Variants in POF1B observed in about 807,000 individuals in gnomAD.
POF1B encodes POF1B actin binding protein.
POF1B carries 53 observed loss-of-function variants against 55.3 expected under a neutral mutation model. The ratio of observed to expected loss-of-function variants is 0.96; its 90% CI spans 0.77 to 1.20. The LOEUF (loss-of-function observed/expected upper bound fraction) is 1.20, where lower values mean the gene tolerates loss of function less well. Ranked by LOEUF, POF1B falls within the 50% of genes most tolerant of loss-of-function variation. The pLI, the probability that POF1B is intolerant of heterozygous loss-of-function variation, is 0.00. For synonymous variants in POF1B, 188 were observed against 148.3 expected (o/e 1.27, Z -1.95); for missense variants, 478 against 420.5 (o/e 1.14, Z -1.20).
At chrX:85,344,329 C>T (rs1043080495) in intron 6 of POF1B, among the ~76,000 whole-genome samples, 6 of 111,221 alleles carry the variant, frequency 5.4e-5, no homozygotes, top group African/African-American at 2.0e-4. Context: ...TATCACAATA[C>T]CATATATAGA....
intron 7 of POF1B, among the ~76,000 whole-genome samples, chrX:85,319,872 T>G (rs1471429986): frequency 8.9e-6 from 1 of 111,821 alleles, no homozygotes; most frequent in African/African-American, 3.2e-5. Context: ...ATCAGGATGA[T>G]GCTGGTCTTA....
At chrX:85,378,286 G>A (rs1298828506) in intron 2 of POF1B, among the ~76,000 whole-genome samples, 1 of 111,254 alleles carries the variant, frequency 9.0e-6, no homozygotes, top group African/African-American at 3.3e-5. Flanking sequence ...TGAGATTTTT[G>A]TATCTTAAAA....
At chrX:85,294,579 G>T (rs770182477) in intron 15 of POF1B, among the ~76,000 whole-genome samples, 1 of 112,002 alleles carries the variant, frequency 8.9e-6, no homozygotes, top group Non-Finnish European at 1.9e-5. Context: ...CTTGAATGTG[G>T]TGAATTAACT....
chrX:85,280,908 T>C (rs1931881826), intron 16 of POF1B, among the ~76,000 whole-genome samples: 1 of 111,024 alleles, frequency 9.0e-6, no homozygotes, highest in African/African-American at 3.3e-5. Flanking sequence ...GATAATTCTT[T>C]GTTATGGGAG....
chrX:85,357,195 G>A (rs1277950404), intron 4 of POF1B, among the ~76,000 whole-genome samples: 1 of 110,571 alleles, frequency 9.0e-6, no homozygotes, highest in African/African-American at 3.3e-5. Context: ...ATCCACTTAA[G>A]GAAAAAGATA....
intron 6 of POF1B, 133 bp downstream of exon 6, chrX:85,345,727 A>ACAAGG: frequency 1.8e-6 from 1 of 565,307 alleles, no homozygotes. Flanking sequence ...AAAAATGCTG[A>ACAAGG]CAAGGCACAA....
Position 85,379,358 on chromosome X carries a change from A to G in POF1B, c.97T>C (p.Tyr33His), listed in dbSNP as rs1182352311. 1.7e-6 allele frequency: 2 copies of G among 1,207,597 alleles called. No homozygotes were observed. The highest frequency in any genetic ancestry group is 2.2e-6 in the Non-Finnish European group (2 of 894,680). ...TGCTGGGCTTGGCTTGACTGATGGT[A>G]GCAGTGGTAATGCTGGGGCTGGCAC... ...LQCQPQHYHC[Y>H]HQSSQAQQPP... is the part of the protein sequence containing the mutation. Residue 33 changes from tyrosine (Y) to histidine (H), a missense_variant, in exon 2 of 17, where the codon TAC (tyrosine) becomes CAC (histidine). Physicochemically the swap from Tyr to His is moderately conservative, Grantham distance 83. Transcript: ENST00000262753.
intron 6 of POF1B, among the ~76,000 whole-genome samples, chrX:85,336,503 A>C (rs1195527318): frequency 9.0e-6 from 1 of 110,925 alleles, no homozygotes; most frequent in Non-Finnish European, 1.9e-5. Context: ...ATCCATTTTA[A>C]GTAGGGTGAG....
chrX:85,319,610 G>A (rs781318286), intron 7 of POF1B, among the ~76,000 whole-genome samples: 3 of 111,016 alleles, frequency 2.7e-5, no homozygotes, highest in Non-Finnish European at 3.8e-5. Flanking sequence ...AACCTTTTCC[G>A]TATCTATCGA....
chrX:85,334,827 C>T (rs919067160), intron 6 of POF1B, among the ~76,000 whole-genome samples: 2 of 111,386 alleles, frequency 1.8e-5, no homozygotes, highest in African/African-American at 6.5e-5. Context: ...TTCTTGCTAG[C>T]CTCCACACTT....
intron 5 of POF1B, among the ~76,000 whole-genome samples, chrX:85,350,784 G>T (rs752694083): frequency 1.8e-5 from 2 of 111,294 alleles, no homozygotes; most frequent in South Asian, 3.7e-4. Flanking sequence ...AAACCACAAT[G>T]AGGTACCATC....
At chrX:85,308,746 C>G (rs995915497) in intron 9 of POF1B, among the ~76,000 whole-genome samples, 1 of 111,399 alleles carries the variant, frequency 9.0e-6, no homozygotes, top group Admixed American at 9.5e-5. Context: ...GGCATGATCT[C>G]AGTTCACTGC....
chrX:85,315,371 G>T (rs1035026779), intron 8 of POF1B, among the ~76,000 whole-genome samples: 8 of 110,792 alleles, frequency 7.2e-5, no homozygotes, highest in Non-Finnish European at 1.3e-4. Context: ...AGAATATGTG[G>T]TCAGTGAAAC....
intron 8 of POF1B, 61 bp from the exon 9 acceptor site, chrX:85,314,567 CA>C (rs1932766820): frequency 1.1e-6 from 1 of 871,699 alleles, no homozygotes. Flanking sequence ...ATCAGCAATC[CA>C]CAGACTTTTG....
intron 3 of POF1B, among the ~76,000 whole-genome samples, chrX:85,366,130 A>G (rs921721006): frequency 1.8e-5 from 2 of 112,305 alleles, no homozygotes; most frequent in African/African-American, 6.5e-5. Flanking sequence ...AATCAAACAT[A>G]GCAGAAGAAT....
chrX:85,361,541 C>T (rs919827745), intron 3 of POF1B, among the ~76,000 whole-genome samples: 16 of 110,682 alleles, frequency 1.4e-4, no homozygotes, highest in East Asian at 2.8e-4. Flanking sequence ...CTTTTTTCTG[C>T]GCTCTCTATT....
intron 15 of POF1B, among the ~76,000 whole-genome samples, chrX:85,294,093 A>T (rs1932256804): frequency 8.9e-6 from 1 of 112,446 alleles, no homozygotes; most frequent in Non-Finnish European, 1.9e-5. Flanking sequence ...AACTTTACTG[A>T]AATCATTTAC....
chrX:85,282,443 C>A (rs796466518), intron 15 of POF1B, 126 bp from the exon 16 acceptor site: 1 of 347,140 alleles, frequency 2.9e-6, no homozygotes, highest in Non-Finnish European at 4.8e-6. Context: ...TTAACTGTTA[C>A]TGAAAAAACA....
chrX:85,331,206 G>A, intron 6 of POF1B, 127 bp from the exon 7 acceptor site: 9 of 661,522 alleles, frequency 1.4e-5, no homozygotes, highest in Admixed American at 4.9e-5. Context: ...TTTTTTTCAG[G>A]GATACATTTT....
Sources: allele counts gnomAD v4.1 joint callset (sites outside exome capture counted in the v4.1 genomes callset), GRCh38; gene constraint gnomAD v4.1.1; transcripts MANE v1.5; gene names NCBI Gene and HGNC (gene_info 2026-07-23, HGNC 2026-07-21).